SPON1: variants seen among roughly 807,000 people sequenced by gnomAD.
The protein encoded by SPON1 is spondin-1.
SPON1 carries 52 observed loss-of-function variants against 111.7 expected under a neutral mutation model. The observed-to-expected ratio is 0.47, with a 90% confidence interval of 0.37 to 0.59. SPON1 has a LOEUF of 0.59. Among genes scored for constraint, SPON1 ranks in the 20% least tolerant of loss-of-function variants. The probability of loss-of-function intolerance (pLI) is 0.00; values close to 1 mark genes in which losing one functional copy is unlikely to be tolerated. For synonymous variants in SPON1, 410 were observed against 395.8 expected (o/e 1.04, Z -0.43); for missense variants, 957 against 1,068.5 (o/e 0.90, Z 1.46).
rs1849046497 is a variant in SPON1 at position 14,090,824 on chromosome 11, G to GCCACCCCCCC, written c.676+10805_676+10806insACCCCCCCCC. ...CAGCCTGCTTTTATTCTCTTATCTG[G>GCCACCCCCCC]CCCCCCCCCCCCCCCCCCCCGCCCA... is the stretch of plus-strand genomic sequence containing the variant. On this transcript the variant is annotated intron_variant, in intron 5 of 15. Transcript: ENST00000576479. 4.6e-3 allele frequency among the ~76,000 whole-genome samples: 211 copies of GCCACCCCCCC among 45,594 alleles called. 12 individuals carry two copies. The highest frequency in any genetic ancestry group is 5.8e-3 in the Non-Finnish European group (149 of 25,696). The allele number at this position is 45,594 out of a possible 152,430, so 29.9% of individuals were successfully genotyped here. A position where few individuals can be genotyped will look rare whatever the true frequency, so the allele number is the denominator to read the frequency against.
chr11:14,046,173 G>T (rs1848666758), intron 3 of SPON1, among the ~76,000 whole-genome samples: 1 of 152,172 alleles, frequency 6.6e-6, no homozygotes, highest in Non-Finnish European at 1.5e-5. Flanking sequence ...AAAAGGAAAA[G>T]GCAGAGAGGA....
intron 2 of SPON1, among the ~76,000 whole-genome samples, chr11:14,004,811 T>C (rs1468645747): frequency 1.3e-5 from 2 of 152,138 alleles, no homozygotes; most frequent in Non-Finnish European, 2.9e-5. Context: ...TTTCTTTCTT[T>C]CTTTTTTCTG....
In SPON1 at chr11:14,117,347, A is replaced by T. The variant is rs1591379938; in HGVS notation, c.677-18073A>T. On this transcript the variant is annotated intron_variant, in intron 5 of 15. Coordinates refer to ENST00000576479, the MANE Select transcript of SPON1 (RefSeq NM_006108.4). ...TTGTAAATATTTTTATCACATTAAGAAAGTTTCCTTCTATTATTAGTTTGC... is the reference window on the plus strand; with the variant it reads ...TTGTAAATATTTTTATCACATTAAGTAAGTTTCCTTCTATTATTAGTTTGC... Among the ~76,000 whole-genome samples the T allele has an allele frequency of 2.6e-5, 4 of 152,162 alleles. No homozygotes were observed. The East Asian group carries it at 7.7e-4, about 29-fold the overall frequency.
intron 5 of SPON1, among the ~76,000 whole-genome samples, chr11:14,087,981 T>C (rs1554922869): frequency 6.6e-6 from 1 of 152,328 alleles, no homozygotes; most frequent in East Asian, 1.9e-4. Flanking sequence ...TCCATTTGCT[T>C]GGTAAATATT....
At position 13,963,131 on chromosome 11, in the gene SPON1, C is replaced by T; in HGVS notation, c.227C>T (p.Thr76Ile). The change falls in exon 1 of 16, where the codon ACC becomes ATC. Residue 76 changes from threonine (T) to isoleucine (I), a missense_variant. By Grantham distance (89) the Thr-to-Ile change is moderately conservative (BLOSUM62 -1). Transcript: ENST00000576479. ...EGDPDFYKPG[T>I]SYRVTLSAAP... ...GACCCCGACTTCTACAAGCCGGGAA[C>T]CAGCTACCGCGGTAAGTGGCCGCCC... The T allele has an allele frequency of 6.6e-7, 1 of 1,508,648 alleles. No individual in the cohort carries two copies. Among genetic ancestry groups the T allele is most frequent in the South Asian group, 1.3e-5 (1 of 78,934 alleles). 93.5% of individuals were successfully genotyped at this position (1,508,648 alleles called of 1,614,324 possible).
chr11:14,094,699 G>A (rs1159058521), intron 5 of SPON1, among the ~76,000 whole-genome samples: 2 of 152,198 alleles, frequency 1.3e-5, no homozygotes, highest in African/African-American at 4.8e-5. Context: ...ATGGATGAAT[G>A]AATGAGAAGC....
chr11:13,990,459 G>A (rs1848220723), intron 2 of SPON1, among the ~76,000 whole-genome samples: 1 of 126,866 alleles, frequency 7.9e-6, no homozygotes, highest in African/African-American at 3.0e-5. Context: ...TTGAGCCTAT[G>A]TGTGTCTTTG....
At chr11:14,045,004 C>T (rs1554917703) in intron 3 of SPON1, among the ~76,000 whole-genome samples, 2 of 152,172 alleles carry the variant, frequency 1.3e-5, no homozygotes. Context: ...TATCCTGAAA[C>T]TTGCCTATTG....
intron 6 of SPON1, among the ~76,000 whole-genome samples, chr11:14,203,439 CT>C (rs1554935862): frequency 1.3e-5 from 2 of 152,156 alleles, no homozygotes; most frequent in Non-Finnish European, 2.9e-5. Context: ...TGAAAGACAT[CT>C]TCATATTTTA....
At chr11:14,177,132 C>T (rs1256833152) in intron 6 of SPON1, among the ~76,000 whole-genome samples, 1 of 152,172 alleles carries the variant, frequency 6.6e-6, no homozygotes, top group Admixed American at 6.5e-5. Flanking sequence ...GCTCCGCTTC[C>T]CAGGTTCACG....
Position 14,041,588 on chromosome 11 carries a change from G to A in SPON1, c.413G>A (p.Arg138Gln), listed in dbSNP as rs1554917278. The stretch of plus-strand genomic sequence containing the variant: ...GTTGCAGTCACTGAAAGCACTCCAC[G>A]GAGGAGGACCCGGATCCAGGTGTTT... The part of the protein sequence containing the change: ...CPVAVTESTP[R>Q]RRTRIQVFWI... Residue 138 changes from arginine to glutamine, a missense_variant, in exon 3 of 16, where the codon CGG (arginine) becomes CAG (glutamine). By Grantham distance (43) the Arg-to-Gln change is conservative (BLOSUM62 1). Transcript: ENST00000576479. The A allele has an allele frequency of 2.5e-6, 4 of 1,613,860 alleles. No individual in the cohort carries two copies. The highest frequency in any genetic ancestry group is 1.7e-5 in the Admixed American group (1 of 60,000).
intron 3 of SPON1, among the ~76,000 whole-genome samples, chr11:14,042,691 T>C (rs1170751879): frequency 6.6e-6 from 1 of 152,190 alleles, no homozygotes; most frequent in African/African-American, 2.4e-5. Flanking sequence ...ATTTGGTTCA[T>C]TTGTCAAATA....
At chr11:14,125,752 A>G (rs1591382325) in intron 5 of SPON1, among the ~76,000 whole-genome samples, 2 of 152,326 alleles carry the variant, frequency 1.3e-5, no homozygotes, top group East Asian at 3.9e-4. Flanking sequence ...AATAAAATCA[A>G]TAGGGTATGT....
intron 2 of SPON1, among the ~76,000 whole-genome samples, chr11:14,036,557 G>T (rs575548348): frequency 1.4e-4 from 22 of 152,264 alleles, no homozygotes; most frequent in Non-Finnish European, 3.2e-4. Flanking sequence ...TATATCAAAA[G>T]GTAAATGCAA....
At chr11:14,109,947 C>A (rs1186296750) in intron 5 of SPON1, among the ~76,000 whole-genome samples, 1 of 152,204 alleles carries the variant, frequency 6.6e-6, no homozygotes. Flanking sequence ...CTGCCTACTC[C>A]TGCGTCACAG....
rs149807370 is a variant in SPON1, at chr11:14,208,202, G to A, written c.826-35130G>A. On this transcript the variant is annotated intron_variant, in intron 6 of 15. Coordinates refer to ENST00000576479, the MANE Select transcript of SPON1 (RefSeq NM_006108.4). ...GGAACAATGCATGCTGGGGCCTATT[G>A]GAAGGTGAAAGGTGGGAGGAGGGAG... Among the ~76,000 whole-genome samples, 297 of 152,226 alleles carry A rather than the reference G, an allele frequency of 2.0e-3. 1 individual carries two copies. Among genetic ancestry groups the A allele is most frequent in the African/African-American group, 6.2e-3 (258 of 41,558 alleles).
At position 14,266,742 on chromosome 11, in the gene SPON1, G is replaced by GT. The variant is rs1564946182; in HGVS notation, c.*1057dup. On this transcript the variant is annotated 3_prime_UTR_variant, in exon 16 of 16. Transcript: ENST00000576479. ...GAAATTTTATATGCAGAGAGAAAAA[G>GT]TTACCGAGACAGAAAACAAATCTAA... is the stretch of plus-strand genomic sequence containing the variant. 1 of 152,074 alleles carries GT rather than the reference G, an allele frequency of 6.6e-6. No homozygotes were observed. Among genetic ancestry groups the GT allele is most frequent in the Non-Finnish European group, 1.5e-5 (1 of 68,016 alleles). The allele number at this position is 152,074 out of a possible 1,614,324, so 9.4% of individuals were successfully genotyped here.
At chr11:14,132,226 T>C (rs1433622674) in intron 5 of SPON1, among the ~76,000 whole-genome samples, 1 of 151,662 alleles carries the variant, frequency 6.6e-6, no homozygotes, top group East Asian at 1.9e-4. Context: ...TGCAGTGAGC[T>C]GAGATTCTGC....
chr11:14,164,878 G>C (rs1848010011), intron 6 of SPON1, among the ~76,000 whole-genome samples: 2 of 152,134 alleles, frequency 1.3e-5, no homozygotes, highest in Admixed American at 6.5e-5. Context: ...CAGTTCCTGG[G>C]TGGGGGCCAC....
Sources: gnomAD v4.1 joint callset for allele counts (sites outside exome capture counted in the v4.1 genomes callset) on GRCh38, gnomAD v4.1.1 for gene constraint, MANE v1.5 for transcripts, NCBI Gene and HGNC (gene_info 2026-07-23, HGNC 2026-07-21) for gene names.